RGL1: variants seen among roughly 807,000 people sequenced by gnomAD.
The protein encoded by RGL1 is ral guanine nucleotide dissociation stimulator like 1.
RGL1 carries 24 observed loss-of-function variants against 95.2 expected under a neutral mutation model. The observed-to-expected ratio is 0.25, with a 90% CI of 0.18 to 0.35. The LOEUF is 0.35. RGL1 is among the 10% of genes least tolerant of loss of function. The probability of loss-of-function intolerance (pLI) is 1.00; values close to 1 mark genes in which losing one functional copy is unlikely to be tolerated. For synonymous variants in RGL1, 329 were observed against 344.9 expected (o/e 0.95, Z 0.51); for missense variants, 715 against 936.3 (o/e 0.76, Z 3.08).
intron 2 of RGL1, among the ~76,000 whole-genome samples, chr1:183,811,391 A>G (rs1211387202): frequency 6.6e-6 from 1 of 152,200 alleles, no homozygotes; most frequent in African/African-American, 2.4e-5. Context: ...TTGTAAGGAG[A>G]TAAGCCCTAG....
intron 2 of RGL1, among the ~76,000 whole-genome samples, chr1:183,797,551 A>G (rs1193199368): frequency 1.3e-5 from 2 of 152,226 alleles, no homozygotes; most frequent in Non-Finnish European, 2.9e-5. Flanking sequence ...ACGTAATAAC[A>G]GAGCATTGAG....
chr1:183,804,092 C>T (rs1377120559), upstream of RGL1, among the ~76,000 whole-genome samples: 2 of 152,088 alleles, frequency 1.3e-5, no homozygotes, highest in African/African-American at 4.8e-5. Flanking sequence ...TTCTGCTCTC[C>T]TGGGAACATC....
At chr1:183,784,639 G>A (rs1303195840) in intron 2 of RGL1, among the ~76,000 whole-genome samples, 1 of 152,224 alleles carries the variant, frequency 6.6e-6, no homozygotes, top group East Asian at 1.9e-4. Flanking sequence ...GAGCAGAGCG[G>A]TCCAGCTGTT....
At chr1:183,744,343 C>CA (rs1657493888) in intron 2 of RGL1, among the ~76,000 whole-genome samples, 1 of 151,430 alleles carries the variant, frequency 6.6e-6, no homozygotes. Context: ...AAATAAACTC[C>CA]ACAGGTGGTA....
chr1:183,808,432 C>T (rs1201021016), intron 2 of RGL1, among the ~76,000 whole-genome samples: 7 of 152,200 alleles, frequency 4.6e-5, no homozygotes, highest in Non-Finnish European at 8.8e-5. Context: ...CCAGCCTACT[C>T]CTTTATTGCA....
chr1:183,864,554 A>G (rs966468963), intron 3 of RGL1, among the ~76,000 whole-genome samples: 1 of 152,162 alleles, frequency 6.6e-6, no homozygotes, highest in Non-Finnish European at 1.5e-5. Context: ...CACCCTGTTT[A>G]TTTATTAGGA....
chr1:183,737,482 G>C (rs961352646), intron 1 of RGL1, among the ~76,000 whole-genome samples: 4 of 151,704 alleles, frequency 2.6e-5, no homozygotes, highest in African/African-American at 4.8e-5. Context: ...AGGCACAGTG[G>C]CTCATGCCTG....
intron 1 of RGL1, among the ~76,000 whole-genome samples, chr1:183,645,136 A>C (rs1204673861): frequency 6.6e-6 from 1 of 152,242 alleles, no homozygotes; most frequent in Admixed American, 6.5e-5. Context: ...CCTTATGATA[A>C]TTTGGCTTGC....
intron 2 of RGL1, among the ~76,000 whole-genome samples, chr1:183,791,546 TG>T (rs1326526060): frequency 6.6e-6 from 1 of 152,244 alleles, no homozygotes; most frequent in Non-Finnish European, 1.5e-5. Context: ...GCAATTCTAG[TG>T]TTATGTAACT....
chr1:183,743,536 G>T (rs948469153), intron 2 of RGL1, among the ~76,000 whole-genome samples: 1 of 152,114 alleles, frequency 6.6e-6, no homozygotes, highest in South Asian at 2.1e-4. Flanking sequence ...TTACATGCTT[G>T]GAAATTTTAT....
chr1:183,829,490 C>A (rs527500055), intron 2 of RGL1, among the ~76,000 whole-genome samples: 1 of 151,572 alleles, frequency 6.6e-6, no homozygotes, highest in African/African-American at 2.4e-5. Flanking sequence ...AAATTTTGCT[C>A]CCATCACTGT....
intron 6 of RGL1, 84 bp from the exon 7 acceptor site, chr1:183,884,639 C>T: frequency 8.6e-7 from 1 of 1,160,968 alleles, no homozygotes; most frequent in Non-Finnish European, 1.3e-6. Flanking sequence ...CACAAAAATA[C>T]CAATTTACAA....
intron 4 of RGL1, among the ~76,000 whole-genome samples, chr1:183,867,622 G>GT (rs957463843): frequency 1.4e-3 from 203 of 147,544 alleles, no homozygotes; most frequent in African/African-American, 3.8e-3. Flanking sequence ...TGGAAGATGG[G>GT]TTTTTTTTTT....
In RGL1 at chr1:183,902,614, T is replaced by C; in HGVS notation, c.1350+14T>C. 1 of 1,608,662 alleles carries C rather than the reference T, an allele frequency of 6.2e-7. No homozygotes were observed. Among genetic ancestry groups the C allele is most frequent in the Admixed American group, 1.7e-5 (1 of 58,606 alleles). ...AAAAGGAGAAGGGTAAGTAGAGTTG[T>C]TGGCTGTGTTTCCTTTGTCTGAGCA... On this transcript the variant is annotated intron_variant, in intron 12 of 17. Coordinates refer to ENST00000360851, the MANE Select transcript of RGL1 (RefSeq NM_001297671.3).
intron 1 of RGL1, among the ~76,000 whole-genome samples, chr1:183,651,712 A>G (rs1390172270): frequency 6.6e-6 from 1 of 152,128 alleles, no homozygotes; most frequent in East Asian, 1.9e-4. Flanking sequence ...TTTCCTTAGT[A>G]CTATATTTTC....
rs752850601 is a variant in RGL1, at chr1:183,926,076, A to G, written c.2120-29A>G. 1.2e-5 allele frequency: 19 copies of G among 1,599,298 alleles called. No homozygotes were observed. In the East Asian group the frequency reaches 4.2e-4, roughly 36 times the overall value. ...GTACTGAGCTGACCTCCACAAGCTGACCATCTTATCTTTCCTTATCTTTTT... is the reference window on the plus strand; with the variant it reads ...GTACTGAGCTGACCTCCACAAGCTGGCCATCTTATCTTTCCTTATCTTTTT... On this transcript the variant is annotated intron_variant, in intron 17 of 17. Coordinates refer to ENST00000360851, the MANE Select transcript of RGL1 (RefSeq NM_001297671.3).
chr1:183,838,102 G>T (rs1663791955), intron 2 of RGL1, among the ~76,000 whole-genome samples: 1 of 152,174 alleles, frequency 6.6e-6, no homozygotes, highest in Non-Finnish European at 1.5e-5. Flanking sequence ...AGTATCAGAT[G>T]AAAGTGAAAT....
At chr1:183,706,284 G>T (rs1272229610) in intron 1 of RGL1, among the ~76,000 whole-genome samples, 3 of 152,138 alleles carry the variant, frequency 2.0e-5, no homozygotes, top group Non-Finnish European at 4.4e-5. Context: ...TTGGAGACTT[G>T]TCCATCAATT....
chr1:183,741,582 ATTG>A (rs1445307492), intron 1 of RGL1, among the ~76,000 whole-genome samples: 4 of 152,214 alleles, frequency 2.6e-5, no homozygotes, highest in Non-Finnish European at 4.4e-5. Context: ...AATACATCAT[ATTG>A]TTAATACTTG....
Sources: gnomAD v4.1 joint callset for allele counts (sites outside exome capture counted in the v4.1 genomes callset) on GRCh38, gnomAD v4.1.1 for gene constraint, MANE v1.5 for transcripts, NCBI Gene and HGNC (gene_info 2026-07-23, HGNC 2026-07-21) for gene names.